Variants in CDYL2 observed in about 807,000 individuals in gnomAD.
The protein encoded by CDYL2 is chromodomain Y like 2, also known as chromodomain Y-like protein 2.
CDYL2 carries 23 observed loss-of-function variants against 49.4 expected under a neutral mutation model. That is an observed-to-expected ratio of 0.47 (90% confidence interval 0.34 to 0.66). CDYL2 has a LOEUF of 0.66. Ranked by LOEUF, CDYL2 falls within the 30% of genes least tolerant of loss-of-function variation. The pLI is 0.01. For synonymous variants in CDYL2, 360 were observed against 268.8 expected (o/e 1.34, Z -3.32); for missense variants, 678 against 656.4 (o/e 1.03, Z -0.36).
At chr16:80,622,880 C>A (rs888895094) in intron 3 of CDYL2, among the ~76,000 whole-genome samples, 2 of 152,160 alleles carry the variant, frequency 1.3e-5, no homozygotes, top group Non-Finnish European at 2.9e-5. Context: ...TTTGGATGAG[C>A]CTGAAGGTTA....
intron 2 of CDYL2, among the ~76,000 whole-genome samples, chr16:80,645,894 C>G (rs1908318626): frequency 2.0e-5 from 3 of 148,390 alleles, no homozygotes; most frequent in Non-Finnish European, 3.0e-5. Flanking sequence ...GACAGAAAAC[C>G]AAACACCGCA....
At chr16:80,774,862 A>G (rs1437433548) in intron 1 of CDYL2, among the ~76,000 whole-genome samples, 1 of 151,646 alleles carries the variant, frequency 6.6e-6, no homozygotes, top group Non-Finnish European at 1.5e-5. Context: ...CAGGATAGGA[A>G]GGAGAAAAGG....
chr16:80,788,491 T>C (rs1907506542), intron 1 of CDYL2, among the ~76,000 whole-genome samples: 1 of 152,222 alleles, frequency 6.6e-6, no homozygotes, highest in South Asian at 2.1e-4. Flanking sequence ...AAGATTTTCT[T>C]TTTCCTTTTC....
intron 1 of CDYL2, among the ~76,000 whole-genome samples, chr16:80,696,928 T>A (rs1392437034): frequency 6.6e-6 from 1 of 152,136 alleles, no homozygotes; most frequent in Non-Finnish European, 1.5e-5. Flanking sequence ...AGTCAGGAGT[T>A]CAAGGTTGCA....
intron 2 of CDYL2, among the ~76,000 whole-genome samples, chr16:80,678,742 C>A (rs890743498): frequency 8.0e-5 from 12 of 150,844 alleles, no homozygotes; most frequent in African/African-American, 3.0e-4. Flanking sequence ...TACCATTTGA[C>A]CTAGCCATCC....
At chr16:80,784,046 T>C (rs1472925803) in intron 1 of CDYL2, among the ~76,000 whole-genome samples, 1 of 152,246 alleles carries the variant, frequency 6.6e-6, no homozygotes, top group Non-Finnish European at 1.5e-5. Flanking sequence ...AATACTATGT[T>C]ATACTGTATA....
At chr16:80,672,242 T>C (rs1909540963) in intron 2 of CDYL2, among the ~76,000 whole-genome samples, 1 of 151,372 alleles carries the variant, frequency 6.6e-6, no homozygotes, top group Non-Finnish European at 1.5e-5. Flanking sequence ...AGTTGCCCAA[T>C]ATGGAAATAG....
At chr16:80,607,137 T>A (rs879904930) in intron 6 of CDYL2, among the ~76,000 whole-genome samples, 10 of 152,110 alleles carry the variant, frequency 6.6e-5, no homozygotes, top group African/African-American at 2.2e-4. Context: ...GAAATGCTCG[T>A]GGCCCGCGTG....
At chr16:80,751,650 T>C (rs1049729357) in intron 1 of CDYL2, among the ~76,000 whole-genome samples, 1 of 152,172 alleles carries the variant, frequency 6.6e-6, no homozygotes, top group South Asian at 2.1e-4. Context: ...CAAAGAAGGA[T>C]AATAGGCTCA....
In CDYL2 at chr16:80,766,295, G is replaced by C. The variant is rs537780334; in HGVS notation, c.24+37855C>G. On this transcript the variant is annotated intron_variant, in intron 1 of 6. Coordinates refer to ENST00000570137, the MANE Select transcript of CDYL2 (RefSeq NM_152342.4). Reference sequence around the variant, plus strand: ...CAACTTTTATTGACAAAAAAAAAGAGAAGGTTCACAAAGAAGGGCATTCAA... The same window carrying C: ...CAACTTTTATTGACAAAAAAAAAGACAAGGTTCACAAAGAAGGGCATTCAA... 2.6e-5 allele frequency among the ~76,000 whole-genome samples: 4 copies of C among 152,174 alleles called. No homozygotes were observed. In the East Asian group the frequency reaches 7.7e-4, roughly 29 times the overall value.
intron 2 of CDYL2, among the ~76,000 whole-genome samples, chr16:80,664,601 G>T (rs1466161586): frequency 2.0e-5 from 3 of 152,182 alleles, no homozygotes; most frequent in African/African-American, 4.8e-5. Context: ...AACTGTAGGG[G>T]AGAAAATGAT....
At chr16:80,664,576 A>C (rs961760345) in intron 2 of CDYL2, among the ~76,000 whole-genome samples, 17 of 152,202 alleles carry the variant, frequency 1.1e-4, no homozygotes, top group African/African-American at 4.1e-4. Context: ...GGGAAAGCAA[A>C]TGCCTCTTTA....
At chr16:80,736,972 T>C (rs1440948898) in intron 1 of CDYL2, among the ~76,000 whole-genome samples, 1 of 152,176 alleles carries the variant, frequency 6.6e-6, no homozygotes, top group Non-Finnish European at 1.5e-5. Flanking sequence ...TGATGCATCG[T>C]ATTCAGATTT....
At chr16:80,610,696 C>T (rs1050133754) in intron 5 of CDYL2, among the ~76,000 whole-genome samples, 1 of 152,302 alleles carries the variant, frequency 6.6e-6, no homozygotes, top group East Asian at 1.9e-4. Context: ...ATCTTCTCTG[C>T]TGTCCAAGAG....
At chr16:80,646,232 G>T (rs984706893) in intron 2 of CDYL2, among the ~76,000 whole-genome samples, 2 of 151,426 alleles carry the variant, frequency 1.3e-5, no homozygotes, top group Non-Finnish European at 2.9e-5. Flanking sequence ...ATTTGGATGG[G>T]GACAGAGAGC....
At chr16:80,775,845 T>A (rs1167785544) in intron 1 of CDYL2, among the ~76,000 whole-genome samples, 1 of 151,158 alleles carries the variant, frequency 6.6e-6, no homozygotes, top group African/African-American at 2.4e-5. Flanking sequence ...TATATATCTA[T>A]ATCTTAATTA....
intron 2 of CDYL2, among the ~76,000 whole-genome samples, chr16:80,656,564 C>A (rs78007395): frequency 0.014 from 2,150 of 152,336 alleles, 24 homozygotes; most frequent in Non-Finnish European, 0.022. Flanking sequence ...CCCCATCATG[C>A]TAGTTTCCTT....
At chr16:80,697,934 T>C (rs1279418501) in intron 1 of CDYL2, among the ~76,000 whole-genome samples, 2 of 152,162 alleles carry the variant, frequency 1.3e-5, no homozygotes, top group African/African-American at 2.4e-5. Context: ...CCCATGTTCA[T>C]GGATTGGAAG....
intron 2 of CDYL2, among the ~76,000 whole-genome samples, chr16:80,661,261 AAC>A (rs1909031885): frequency 6.6e-6 from 1 of 152,168 alleles, no homozygotes; most frequent in African/African-American, 2.4e-5. Flanking sequence ...TTCCTCACTT[AAC>A]ACAGCCATCC....
Sources: gnomAD v4.1 joint callset for allele counts (sites outside exome capture counted in the v4.1 genomes callset) on GRCh38, gnomAD v4.1.1 for gene constraint, MANE v1.5 for transcripts, NCBI Gene and HGNC (gene_info 2026-07-23, HGNC 2026-07-21) for gene names.